The following SETD2 variants were observed in gnomAD, a reference collection of about 807,000 sequenced individuals.
SETD2 encodes the protein histone-lysine N-methyltransferase SETD2.
A neutral mutation model predicts 242.1 loss-of-function variants in SETD2; 31 were observed. The observed-to-expected ratio is 0.13, with a 90% CI of 0.10 to 0.17. SETD2 has a LOEUF of 0.17. Among genes scored for constraint, SETD2 ranks in the 10% least tolerant of loss-of-function variants. The pLI is 1.00. For synonymous variants in SETD2, 1,006 were observed against 1,066.5 expected (o/e 0.94, Z 1.11); for missense variants, 2,481 against 3,046.3 (o/e 0.81, Z 4.37).
At chr3:47,081,659 G>GT (rs1399424686) in intron 12 of SETD2, among the ~76,000 whole-genome samples, 6 of 152,138 alleles carry the variant, frequency 3.9e-5, no homozygotes, top group Admixed American at 6.5e-5. Flanking sequence ...TGTTTGTCTG[G>GT]TTTTTTTAAG....
chr3:47,065,243 G>A (rs887290658), intron 13 of SETD2, among the ~76,000 whole-genome samples: 2 of 152,066 alleles, frequency 1.3e-5, no homozygotes, highest in African/African-American at 4.8e-5. Context: ...AGGCTATGAA[G>A]AGACTAAACC....
chr3:47,163,816 G>A, intron 1 of SETD2, 38 bp downstream of exon 1: 9 of 1,251,878 alleles, frequency 7.2e-6, no homozygotes, highest in Non-Finnish European at 7.1e-6. Context: ...GGGATAAGGC[G>A]GCCGACAGCA....
intron 18 of SETD2, among the ~76,000 whole-genome samples, chr3:47,035,072 G>T (rs2038939897): frequency 6.6e-6 from 1 of 152,192 alleles, no homozygotes; most frequent in African/African-American, 2.4e-5. Flanking sequence ...ACTCACTCTG[G>T]GTGGTTGGAT....
Position 47,057,257 on chromosome 3 carries a change from T to C in SETD2, c.6527A>G (p.Tyr2176Cys), listed in dbSNP as rs2107576542. 1 of 1,614,172 alleles carries C rather than the reference T, an allele frequency of 6.2e-7. No individual in the cohort carries two copies. The highest frequency in any genetic ancestry group is 8.5e-7 in the Non-Finnish European group (1 of 1,180,028). ...AGCATTAGGGTTGCTGGGATCCACA[T>C]AGGCCTGCATGGGATAACCTGGTGG... ...GYPPGYPMQA[Y>C]VDPSNPNAGK... The change falls in exon 15 of 21, where the codon TAT becomes TGT. Residue 2176 changes from tyrosine to cysteine, a missense_variant. This residue lies in a region of SETD2 where 45 missense variants were observed against 62.8 expected (regional missense o/e 0.72). Transcript: ENST00000409792.
At chr3:47,077,281 C>T (rs1042017585) in intron 12 of SETD2, among the ~76,000 whole-genome samples, 1 of 152,062 alleles carries the variant, frequency 6.6e-6, no homozygotes, top group African/African-American at 2.4e-5. Context: ...CAGGGTTTCA[C>T]CATGTTGGCC....
At chr3:47,026,414 G>C (rs2038482191) in intron 18 of SETD2, among the ~76,000 whole-genome samples, 2 of 152,208 alleles carry the variant, frequency 1.3e-5, no homozygotes, top group Non-Finnish European at 2.9e-5. Context: ...CAAGGATCTA[G>C]AACCAGAAAT....
chr3:47,037,586 A>G, intron 18 of SETD2, 80 bp downstream of exon 18: 1 of 1,058,340 alleles, frequency 9.4e-7, no homozygotes, highest in Non-Finnish European at 1.5e-6. Flanking sequence ...GAATAAAGAA[A>G]AAAGAATCCC....
intron 6 of SETD2, among the ~76,000 whole-genome samples, chr3:47,105,181 A>G (rs1409489262): frequency 6.6e-6 from 1 of 152,094 alleles, no homozygotes; most frequent in East Asian, 1.9e-4. Context: ...AGGCTGAGGC[A>G]CATGGATTGC....
chr3:47,047,201 A>G (rs1221788944), intron 15 of SETD2, among the ~76,000 whole-genome samples: 2 of 152,222 alleles, frequency 1.3e-5, no homozygotes, highest in African/African-American at 4.8e-5. Flanking sequence ...AATTCTCACA[A>G]CACACCAATT....
At chr3:47,055,147 AAGT>A (rs2040001053) in intron 15 of SETD2, among the ~76,000 whole-genome samples, 1 of 152,256 alleles carries the variant, frequency 6.6e-6, no homozygotes. Context: ...TAAAAAATGA[AAGT>A]AGTTAATACA....
At chr3:47,041,213 G>A (rs965059668) in intron 17 of SETD2, 9 of 244,748 alleles carry the variant, frequency 3.7e-5, no homozygotes, top group Middle Eastern at 4.5e-4. Context: ...CAACTACTCT[G>A]TCATTGTAGT....
At chr3:47,062,012 G>C in intron 14 of SETD2, 151 bp downstream of exon 14, 1 of 654,468 alleles carries the variant, frequency 1.5e-6, no homozygotes. Context: ...TCTGTCTTAA[G>C]ATTATCAGTA....
intron 16 of SETD2, 114 bp from the exon 17 acceptor site, chr3:47,042,814 A>C: frequency 1.1e-6 from 1 of 942,204 alleles, no homozygotes; most frequent in Admixed American, 2.5e-5. Context: ...CTCTTAAAAA[A>C]AGGATAAAGG....
chr3:47,105,925 A>T (rs2042399170), intron 6 of SETD2, 72 bp downstream of exon 6: 1 of 1,315,654 alleles, frequency 7.6e-7, no homozygotes, highest in Non-Finnish European at 1.0e-6. Flanking sequence ...AAAAAAAAAA[A>T]TCAAATCAGT....
intron 3 of SETD2, among the ~76,000 whole-genome samples, chr3:47,119,005 C>A (rs976401208): frequency 2.0e-5 from 3 of 152,226 alleles, no homozygotes; most frequent in Middle Eastern, 3.4e-3. Context: ...AAAAAAATTT[C>A]TGGTAGGACC....
intron 3 of SETD2, among the ~76,000 whole-genome samples, chr3:47,118,581 C>G (rs925286278): frequency 6.6e-6 from 1 of 150,474 alleles, no homozygotes; most frequent in African/African-American, 2.4e-5. Context: ...ATTAGCTGGG[C>G]GTGGTGGCAC....
rs2106697486 is a variant in SETD2, at chr3:47,123,188, A to G, written c.1448T>C (p.Leu483Pro). 6.3e-7 allele frequency: 1 copy of G among 1,595,794 alleles called. No individual in the cohort carries two copies. The highest frequency in any genetic ancestry group is 2.3e-5 in the East Asian group (1 of 44,182). The change falls in exon 3 of 21, where the codon CTA becomes CCA. Residue 483 changes from leucine (L) to proline (P), a missense_variant. Physicochemically the swap from Leu to Pro is moderately conservative, Grantham distance 98. Around this residue, in one of 17 missense-constraint regions of SETD2, gnomAD observed 1,300 missense variants for 1,259.2 expected, o/e 1.03. Transcript: ENST00000409792. ...AGATTTAGAATAGGATGATGTCCTT[A>G]GGTCTCTGTAAGAAGAGGAATGAGA... ...TSSHSSSYRD[L>P]RTSSYSKSDR...
intron 2 of SETD2, among the ~76,000 whole-genome samples, chr3:47,125,529 A>G (rs138765194): frequency 1.2e-3 from 188 of 152,268 alleles, no homozygotes; most frequent in African/African-American, 4.2e-3. Context: ...GGTTTGGGAA[A>G]CCACTGATAC....
rs2106709073 is a variant in SETD2 at position 47,123,654 on chromosome 3, C to G, written c.982G>C (p.Val328Leu). ...FLGSESDEDSVRTSSSQRSHD... is the reference protein window; with the variant it reads ...FLGSESDEDSLRTSSSQRSHD... Reference sequence around the variant, plus strand: ...GATCTTTGACTTGAAGAAGTCCGTACAGAATCTTCATCAGATTCTGAACCA... The same window carrying G: ...GATCTTTGACTTGAAGAAGTCCGTAGAGAATCTTCATCAGATTCTGAACCA... The change falls in exon 3 of 21, where the codon GTA (valine) becomes CTA (leucine). Residue 328 changes from valine (V) to leucine (L), a missense_variant. Around this residue, in one of 17 missense-constraint regions of SETD2, gnomAD observed 38 missense variants for 61.0 expected, o/e 0.62. Coordinates refer to ENST00000409792, the MANE Select transcript of SETD2 (RefSeq NM_014159.7). The G allele has an allele frequency of 6.4e-7, 1 of 1,550,474 alleles. No individual in the cohort carries two copies. The highest frequency in any genetic ancestry group is 8.7e-7 in the Non-Finnish European group (1 of 1,146,744).
Sources: allele counts gnomAD v4.1 joint callset (sites outside exome capture counted in the v4.1 genomes callset), GRCh38; gene constraint gnomAD v4.1.1; regional missense constraint gnomAD v4.1.1; transcripts MANE v1.5; gene names NCBI Gene and HGNC (gene_info 2026-07-23, HGNC 2026-07-21).